PREX2: variants seen among roughly 807,000 people sequenced by gnomAD.
The protein encoded by PREX2 is phosphatidylinositol 3,4,5-trisphosphate-dependent Rac exchanger 2 protein.
Under a neutral mutation model 203.2 loss-of-function variants are expected in PREX2, and 107 were observed. The ratio of observed to expected loss-of-function variants is 0.53; its 90% CI spans 0.45 to 0.62. The LOEUF is 0.62. Ranked by LOEUF, PREX2 falls within the 20% of genes least tolerant of loss-of-function variation. The probability of loss-of-function intolerance (pLI) is 0.00; values close to 1 mark genes in which losing one functional copy is unlikely to be tolerated. For synonymous variants in PREX2, 672 were observed against 663.6 expected, an observed-to-expected ratio of 1.01 and a Z score of -0.19; for missense variants, 1,777 against 1,955.9, an observed-to-expected ratio of 0.91 and a Z score of 1.72.
At chr8:68,159,821 C>T (rs534547107) in intron 35 of PREX2, among the ~76,000 whole-genome samples, 6 of 152,214 alleles carry the variant, frequency 3.9e-5, no homozygotes, top group Non-Finnish European at 8.8e-5. Flanking sequence ...ATATAAACAA[C>T]TACATTGCTA....
intron 35 of PREX2, among the ~76,000 whole-genome samples, chr8:68,167,094 T>C (rs1177498620): frequency 6.6e-6 from 1 of 152,196 alleles, no homozygotes; most frequent in Non-Finnish European, 1.5e-5. Flanking sequence ...TTAATCTCCT[T>C]GTTGGGAAGA....
intron 35 of PREX2, among the ~76,000 whole-genome samples, chr8:68,178,260 C>T (rs1812020520): frequency 6.6e-6 from 1 of 152,096 alleles, no homozygotes; most frequent in Non-Finnish European, 1.5e-5. Flanking sequence ...AAAGTGTTTC[C>T]TTTTTCTCTG....
intron 21 of PREX2, 45 bp downstream of exon 21, chr8:68,093,767 C>A (rs2129612380): frequency 1.9e-6 from 2 of 1,073,282 alleles, no homozygotes; most frequent in Non-Finnish European, 2.9e-6. Context: ...GTATTCTTTT[C>A]CACTGTGCAT....
chr8:68,192,498 T>C lies in PREX2; in HGVS notation c.4577T>C (p.Ile1526Thr), dbSNP rs1329040912. The C allele has an allele frequency of 6.2e-7, 1 of 1,613,222 alleles. No individual in the cohort carries two copies. The highest frequency in any genetic ancestry group is 8.5e-7 in the Non-Finnish European group (1 of 1,179,870). ...TGCAACAGGCTGGGCGCCTGCCACA[T>C]CATCATGTGCAGCAGCGGTGTGCAT... ...ELCNRLGACH[I>T]IMCSSGVHRC... The change falls in exon 37 of 40, where the codon ATC becomes ACC. Residue 1526 changes from isoleucine to threonine, a missense_variant. By Grantham distance (89) the Ile-to-Thr change is moderately conservative. Transcript: ENST00000288368.
chr8:68,173,748 T>C (rs765596369), intron 35 of PREX2, among the ~76,000 whole-genome samples: 3 of 152,162 alleles, frequency 2.0e-5, no homozygotes, highest in Admixed American at 2.0e-4. Flanking sequence ...GGCTGACAAG[T>C]AGGAGCAGAT....
intron 7 of PREX2, 105 bp from the exon 8 acceptor site, chr8:68,044,382 G>A (rs554596403): frequency 1.1e-4 from 82 of 727,732 alleles, no homozygotes; most frequent in Non-Finnish European, 1.7e-4. Flanking sequence ...TGATATTGTC[G>A]ATTGAATTGG....
chr8:68,012,552 T>C (rs955129821), intron 1 of PREX2, among the ~76,000 whole-genome samples: 1 of 152,198 alleles, frequency 6.6e-6, no homozygotes, highest in East Asian at 1.9e-4. Context: ...AGACATTTAT[T>C]TGAGTAATTC....
rs1295631668 is a variant in PREX2, at chr8:68,087,769, C to A, written c.2073C>A (p.Ile691=). ...PDSADGLGFQ[I]RGFGPSVVHA... is the part of the protein sequence containing the mutation. ...CAGCTGATGGACTTGGCTTCCAGAT[C>A]CGGGGATTTGGCCCTTCTGTTGTGC... The change falls in exon 19 of 40, where the codon ATC becomes ATA. Residue 691 remains isoleucine, a synonymous_variant. Transcript: ENST00000288368. 1 of 1,613,814 alleles carries A rather than the reference C, an allele frequency of 6.2e-7. No homozygotes were observed. Among genetic ancestry groups the A allele is most frequent in the Non-Finnish European group, 8.5e-7 (1 of 1,179,756 alleles).
intron 9 of PREX2, among the ~76,000 whole-genome samples, chr8:68,053,487 A>G (rs1272572890): frequency 6.6e-6 from 1 of 152,204 alleles, no homozygotes; most frequent in Non-Finnish European, 1.5e-5. Context: ...GTTATGTAAT[A>G]CTTATATAGT....
intron 30 of PREX2, among the ~76,000 whole-genome samples, chr8:68,123,618 A>G (rs898666080): frequency 2.6e-5 from 4 of 152,036 alleles, no homozygotes; most frequent in Admixed American, 6.6e-5. Context: ...CATAAATACC[A>G]TAACTATGGA....
rs1479275435 is a variant in PREX2, at chr8:68,119,807, TATG to T, written c.3504+296_3504+298del. On this transcript the variant is annotated intron_variant, in intron 28 of 39. Transcript: ENST00000288368. ...TTGTTTTTTTGTTTTCAGAAAGCTT[TATG>T]ATATTTCTTGCTCAATATTATTTCT... 2.0e-5 allele frequency among the ~76,000 whole-genome samples: 3 copies of T among 152,194 alleles called. No individual in the cohort carries two copies. The East Asian group carries it at 5.8e-4, about 29-fold the overall frequency.
In PREX2 at chr8:68,022,087, CA is replaced by C. The variant is rs748748350; in HGVS notation, c.393del (p.Lys131AsnfsTer9). The C allele has an allele frequency of 6.3e-7, 1 of 1,581,644 alleles. No homozygotes were observed. Among genetic ancestry groups the C allele is most frequent in the East Asian group, 2.2e-5 (1 of 44,700 alleles). On this transcript the variant is annotated frameshift_variant, in exon 4 of 40. Coordinates refer to ENST00000288368, the MANE Select transcript of PREX2 (RefSeq NM_024870.4). LOFTEE classifies it high-confidence loss of function. The part of the protein sequence containing the change: ...DEYCSNHEKA[Q>X]KLLLELNKIR... ...ATATTGTAGTAACCATGAGAAGGCA[CA>C]AAAATTACTTCTTGAACTCAACAAA...
At chr8:68,123,830 A>G (rs1810833812) in intron 30 of PREX2, among the ~76,000 whole-genome samples, 1 of 152,072 alleles carries the variant, frequency 6.6e-6, no homozygotes, top group African/African-American at 2.4e-5. Context: ...AAATTCTACC[A>G]GATGTACACA....
At chr8:68,068,325 T>A (rs1402825199) in intron 11 of PREX2, among the ~76,000 whole-genome samples, 1 of 152,024 alleles carries the variant, frequency 6.6e-6, no homozygotes, top group Non-Finnish European at 1.5e-5. Context: ...GTCCTGGGAA[T>A]AGGAGTCTTT....
Position 68,100,941 on chromosome 8 carries a change from G to C in PREX2, c.2715+1098G>C, listed in dbSNP as rs541964497. 2.0e-5 allele frequency among the ~76,000 whole-genome samples: 3 copies of C among 152,118 alleles called. No homozygotes were observed. The East Asian group carries it at 5.8e-4, about 29-fold the overall frequency. On this transcript the variant is annotated intron_variant, in intron 23 of 39. Coordinates refer to ENST00000288368, the MANE Select transcript of PREX2 (RefSeq NM_024870.4). ...CTTGGACTACATTGAAGATGAAGGA[G>C]ACAAAAAACATTAGATGAATTTGGG...
At chr8:68,081,089 A>C (rs1401922826) in intron 17 of PREX2, among the ~76,000 whole-genome samples, 1 of 152,076 alleles carries the variant, frequency 6.6e-6, no homozygotes, top group Non-Finnish European at 1.5e-5. Context: ...AGCCGTCCCC[A>C]ACCTTCTTGG....
intron 33 of PREX2, among the ~76,000 whole-genome samples, chr8:68,139,341 G>C (rs1031954314): frequency 1.2e-4 from 18 of 152,106 alleles, no homozygotes; most frequent in African/African-American, 4.3e-4. Context: ...AGTGTCCCAG[G>C]CTCACTGGAC....
At chr8:68,075,281 A>C (rs986624973) in intron 14 of PREX2, among the ~76,000 whole-genome samples, 1 of 152,222 alleles carries the variant, frequency 6.6e-6, no homozygotes, top group African/African-American at 2.4e-5. Context: ...TTGAATAATC[A>C]ATCAAATAAA....
At chr8:68,052,791 C>T (rs574948530) in intron 8 of PREX2, among the ~76,000 whole-genome samples, 1 of 152,212 alleles carries the variant, frequency 6.6e-6, no homozygotes, top group Non-Finnish European at 1.5e-5. Flanking sequence ...TCTTTTATTG[C>T]TTTAGAAACT....
Sources: gnomAD v4.1 joint callset for allele counts (sites outside exome capture counted in the v4.1 genomes callset) on GRCh38, gnomAD v4.1.1 for gene constraint, MANE v1.5 for transcripts, NCBI Gene and HGNC (gene_info 2026-07-23, HGNC 2026-07-21) for gene names.